Variants in GRXCR2 observed in about 807,000 individuals in gnomAD.
GRXCR2 encodes the protein glutaredoxin domain-containing cysteine-rich protein 2.
GRXCR2 carries 23 observed loss-of-function variants against 24.8 expected under a neutral mutation model. The observed-to-expected ratio is 0.93, with a 90% CI of 0.67 to 1.32. The LOEUF is 1.32. GRXCR2 is among the 40% of genes most tolerant of loss of function. The pLI is 0.00. For missense variants in GRXCR2, 315 were observed against 303.4 expected (o/e 1.04, Z -0.28); for synonymous variants, 130 against 116.1 (o/e 1.12, Z -0.77).
chr5:145,909,617 C>G (rs1363144795), intron 2 of GRXCR2, among the ~76,000 whole-genome samples: 1 of 152,134 alleles, frequency 6.6e-6, no homozygotes, highest in Non-Finnish European at 1.5e-5. Context: ...TGTGGTCTGT[C>G]TCCTCTCGCC....
chr5:145,917,600 A>C (rs1354585585), intron 2 of GRXCR2, among the ~76,000 whole-genome samples: 2 of 152,018 alleles, frequency 1.3e-5, no homozygotes, highest in Non-Finnish European at 2.9e-5. Flanking sequence ...GTGAGGAATG[A>C]CCCCAGAGGT....
At chr5:145,892,601 G>A (rs1282333146) in intron 2 of GRXCR2, among the ~76,000 whole-genome samples, 1 of 152,232 alleles carries the variant, frequency 6.6e-6, no homozygotes, top group South Asian at 2.1e-4. Context: ...AAAAAGAAAT[G>A]AACAAAGCCT....
chr5:145,888,906 G>T (rs7713576), intron 2 of GRXCR2, among the ~76,000 whole-genome samples: 32,308 of 151,996 alleles, frequency 0.21, 3,803 homozygotes, highest in Non-Finnish European at 0.27. Flanking sequence ...GGGTGCAGTG[G>T]CTCACGCCTG....
At chr5:145,899,764 A>G (rs1360084261) in intron 2 of GRXCR2, among the ~76,000 whole-genome samples, 2 of 152,124 alleles carry the variant, frequency 1.3e-5, no homozygotes, top group Admixed American at 6.5e-5. Flanking sequence ...AATTAACTCA[A>G]GATGAAGACT....
chr5:145,922,771 C>G (rs952848706), intron 2 of GRXCR2, among the ~76,000 whole-genome samples: 3 of 152,190 alleles, frequency 2.0e-5, no homozygotes, highest in Non-Finnish European at 2.9e-5. Flanking sequence ...TAGTCTAAAA[C>G]ATAGTCTAGC....
intron 2 of GRXCR2, among the ~76,000 whole-genome samples, chr5:145,927,782 C>G (rs904137116): frequency 6.6e-6 from 1 of 152,034 alleles, no homozygotes; most frequent in East Asian, 1.9e-4. Flanking sequence ...AATGTTAGAC[C>G]TAAAACCATA....
At chr5:145,931,257 C>T (rs1032604165) in intron 2 of GRXCR2, among the ~76,000 whole-genome samples, 7 of 152,108 alleles carry the variant, frequency 4.6e-5, no homozygotes, top group Non-Finnish European at 8.8e-5. Flanking sequence ...GTCTTGAACC[C>T]CTGAACTCAA....
At chr5:145,899,288 C>T (rs956144528) in intron 2 of GRXCR2, among the ~76,000 whole-genome samples, 3 of 152,100 alleles carry the variant, frequency 2.0e-5, no homozygotes, top group African/African-American at 7.2e-5. Context: ...ACATTCCATA[C>T]TCATGGATTG....
At chr5:145,897,268 T>C (rs1191935148) in intron 2 of GRXCR2, among the ~76,000 whole-genome samples, 2 of 151,150 alleles carry the variant, frequency 1.3e-5, no homozygotes, top group African/African-American at 4.9e-5. Context: ...CATACATACA[T>C]ACATACATAC....
intron 2 of GRXCR2, among the ~76,000 whole-genome samples, chr5:145,889,600 A>C (rs1338484625): frequency 6.6e-6 from 1 of 152,180 alleles, no homozygotes; most frequent in Non-Finnish European, 1.5e-5. Context: ...TAAATACAAA[A>C]ATTAGAAGTA....
At chr5:145,896,369 T>G (rs1756948898) in intron 2 of GRXCR2, among the ~76,000 whole-genome samples, 1 of 152,134 alleles carries the variant, frequency 6.6e-6, no homozygotes, top group African/African-American at 2.4e-5. Flanking sequence ...GAGAAAATTT[T>G]TGCAATCTAC....
At position 145,859,339 on chromosome 5, in the gene GRXCR2, A is replaced by T. The variant is rs1756290171; in HGVS notation, c.*394T>A. 1.6e-5 allele frequency: 3 copies of T among 184,504 alleles called. No homozygotes were observed. The highest frequency in any genetic ancestry group is 1.1e-4 in the Admixed American group (2 of 18,408). 11.4% of individuals were successfully genotyped at this position (184,504 alleles called of 1,614,324 possible). ...ATTATAAGCAACAAGAAATCAGTTC[A>T]TCAGAAACCTGCCTTTTTTACTCCT... On this transcript the variant is annotated 3_prime_UTR_variant, in exon 3 of 3. Transcript: ENST00000377976.
chr5:145,862,598 A>G (rs1290620237), intron 2 of GRXCR2, among the ~76,000 whole-genome samples: 1 of 152,238 alleles, frequency 6.6e-6, no homozygotes, highest in Non-Finnish European at 1.5e-5. Flanking sequence ...CTAGAACCCA[A>G]CAGACCCACC....
chr5:145,927,964 C>T (rs111425059), intron 2 of GRXCR2, among the ~76,000 whole-genome samples: 7 of 152,226 alleles, frequency 4.6e-5, no homozygotes, highest in African/African-American at 1.7e-4. Flanking sequence ...AGTAAACAGG[C>T]AACCTACAGA....
intron 2 of GRXCR2, among the ~76,000 whole-genome samples, chr5:145,897,294 G>C: frequency 6.8e-6 from 1 of 146,854 alleles, no homozygotes; most frequent in Non-Finnish European, 1.5e-5. Context: ...TACAAACGTT[G>C]TGCACATATA....
At chr5:145,918,728 C>A (rs1022596004) in intron 2 of GRXCR2, among the ~76,000 whole-genome samples, 1 of 152,180 alleles carries the variant, frequency 6.6e-6, no homozygotes, top group Non-Finnish European at 1.5e-5. Context: ...GATTTCCCCC[C>A]ATCTAGAGGA....
At chr5:145,893,773 C>T (rs953907073) in intron 2 of GRXCR2, among the ~76,000 whole-genome samples, 2 of 152,100 alleles carry the variant, frequency 1.3e-5, no homozygotes, top group East Asian at 3.9e-4. Context: ...CAGCTCTGCA[C>T]CAAGCGGACC....
At chr5:145,905,278 C>G (rs1357476823) in intron 2 of GRXCR2, among the ~76,000 whole-genome samples, 1 of 152,176 alleles carries the variant, frequency 6.6e-6, no homozygotes, top group Non-Finnish European at 1.5e-5. Context: ...GATTCTGTTT[C>G]TTTATCCTTA....
At chr5:145,874,209 A>T (rs58864459), upstream of GRXCR2, among the ~76,000 whole-genome samples, 9,349 of 141,566 alleles carry the variant, frequency 0.066, 502 homozygotes, top group African/African-American at 0.16. Context: ...ATTTTATTTT[A>T]TTTTTTTTTT....
Sources: allele counts gnomAD v4.1 joint callset (sites outside exome capture counted in the v4.1 genomes callset), GRCh38; gene constraint gnomAD v4.1.1; transcripts MANE v1.5; gene names NCBI Gene and HGNC (gene_info 2026-07-23, HGNC 2026-07-21).